Variants in UGT1A8 observed in about 807,000 individuals in gnomAD.
UGT1A8 encodes the protein UDP glucuronosyltransferase family 1 member A8, also known as UDP-glucuronosyltransferase 1A8.
Under a neutral mutation model 45.3 loss-of-function variants are expected in UGT1A8, and 39 were observed. The observed-to-expected ratio is 0.86, with a 90% CI of 0.67 to 1.12. UGT1A8 has a LOEUF of 1.12. Ranked by LOEUF, UGT1A8 falls within the 50% of genes most tolerant of loss-of-function variation. The pLI is 0.00. For missense variants in UGT1A8, 719 were observed against 664.9 expected, an observed-to-expected ratio of 1.08 and a Z score of -0.90; for synonymous variants, 275 against 249.2, an observed-to-expected ratio of 1.10 and a Z score of -0.97.
intron 1 of UGT1A8, chr2:233,671,897 T>G: frequency 6.4e-7 from 1 of 1,571,108 alleles, no homozygotes; most frequent in Non-Finnish European, 8.6e-7. Flanking sequence ...CATAGGAGCT[T>G]AGATTCCCAG....
chr2:233,712,795 G>A (rs551571775), intron 1 of UGT1A8, among the ~76,000 whole-genome samples: 4 of 152,284 alleles, frequency 2.6e-5, no homozygotes, highest in South Asian at 2.1e-4. Context: ...AGGAGTGATC[G>A]GTCTTTCCCA....
chr2:233,747,906 G>C, intron 1 of UGT1A8: 1 of 1,613,472 alleles, frequency 6.2e-7, no homozygotes, highest in Non-Finnish European at 8.5e-7. Context: ...TGCTCCTTAT[G>C]CAAGCCTTGC....
chr2:233,619,284 T>C (rs567076972), intron 1 of UGT1A8, among the ~76,000 whole-genome samples: 2 of 152,310 alleles, frequency 1.3e-5, no homozygotes, highest in South Asian at 4.1e-4. Flanking sequence ...GTTCTTTTCA[T>C]AATTGCATAA....
chr2:233,760,927 C>T (rs1225128510), intron 1 of UGT1A8: 3 of 1,614,216 alleles, frequency 1.9e-6, no homozygotes, highest in Non-Finnish European at 2.5e-6. Flanking sequence ...GAAGAACATG[C>T]TCATTGCCTT....
chr2:233,684,824 A>G (rs898915633), intron 1 of UGT1A8, among the ~76,000 whole-genome samples: 1 of 152,254 alleles, frequency 6.6e-6, no homozygotes, highest in Non-Finnish European at 1.5e-5. Flanking sequence ...GTAAATTGTC[A>G]TAGAAAAATT....
intron 1 of UGT1A8, among the ~76,000 whole-genome samples, chr2:233,620,502 G>A (rs971021222): frequency 2.6e-5 from 4 of 152,076 alleles, no homozygotes; most frequent in Admixed American, 6.6e-5. Flanking sequence ...TATCACCTAC[G>A]ATAGGGAGAT....
At chr2:233,672,521 G>A in intron 1 of UGT1A8, 2 of 1,613,872 alleles carry the variant, frequency 1.2e-6, no homozygotes, top group Non-Finnish European at 1.7e-6. Context: ...ATTCTCTTAG[G>A]GTTCTCAGAT....
intron 1 of UGT1A8, chr2:233,760,107 A>T: frequency 8.4e-7 from 1 of 1,186,456 alleles, no homozygotes; most frequent in South Asian, 1.6e-5. Flanking sequence ...GCCTATTAAG[A>T]AACCTAATAA....
At chr2:233,736,495 T>A (rs1388265552) in intron 1 of UGT1A8, among the ~76,000 whole-genome samples, 4 of 152,228 alleles carry the variant, frequency 2.6e-5, no homozygotes, top group Admixed American at 2.6e-4. Context: ...CTACCAAACT[T>A]CTGAAGCCTA....
At chr2:233,682,687 T>G in intron 1 of UGT1A8, 2 of 1,613,824 alleles carry the variant, frequency 1.2e-6, no homozygotes, top group Non-Finnish European at 1.7e-6. Context: ...ACACATCAAT[T>G]TGGTTGTTGC....
chr2:233,747,003 G>A (rs1452133223), intron 1 of UGT1A8, among the ~76,000 whole-genome samples: 4 of 151,906 alleles, frequency 2.6e-5, no homozygotes, highest in African/African-American at 4.9e-5. Flanking sequence ...AGTTTTTCAA[G>A]TAGGAGTGAT....
chr2:233,623,538 C>T (rs1434600301), intron 1 of UGT1A8, among the ~76,000 whole-genome samples: 2 of 152,062 alleles, frequency 1.3e-5, no homozygotes, highest in African/African-American at 2.4e-5. Context: ...CATGTCATTC[C>T]ATCACCGAAT....
At chr2:233,768,470 G>T (rs371026350) in intron 4 of UGT1A8, 31 bp downstream of exon 4, 1 of 1,602,728 alleles carries the variant, frequency 6.2e-7, no homozygotes, top group Non-Finnish European at 8.5e-7. Context: ...GAATACTTTG[G>T]TCATGGCATT....
intron 1 of UGT1A8, among the ~76,000 whole-genome samples, chr2:233,652,552 T>C (rs1393926780): frequency 6.6e-6 from 1 of 152,184 alleles, no homozygotes; most frequent in African/African-American, 2.4e-5. Flanking sequence ...ACAAAATCAA[T>C]AACTCTTTAA....
intron 1 of UGT1A8, chr2:233,713,141 C>G (rs3755322): frequency 0.098 from 158,591 of 1,614,032 alleles, 8,806 homozygotes; most frequent in South Asian, 0.2. Flanking sequence ...CCTTGCGGGA[C>G]CTCCATGCGA....
chr2:233,762,063 T>A (rs1697956062), intron 1 of UGT1A8, among the ~76,000 whole-genome samples: 1 of 152,180 alleles, frequency 6.6e-6, no homozygotes, highest in Non-Finnish European at 1.5e-5. Flanking sequence ...TCATAGCACA[T>A]CAAATATGGC....
In UGT1A8 at chr2:233,656,911, T is replaced by A. The variant is rs149069874; in HGVS notation, c.855+38349T>A. 1.1e-4 allele frequency among the ~76,000 whole-genome samples: 16 copies of A among 151,928 alleles called. No individual in the cohort carries two copies. The East Asian group carries it at 2.9e-3, about 28-fold the overall frequency. The stretch of plus-strand genomic sequence containing the variant: ...GCACATGCTTCATGTGGCATCTCCC[T>A]TAGTTAAACATCTTTTTTTTTTTTC... On this transcript the variant is annotated intron_variant, in intron 1 of 4. Transcript: ENST00000373450.
At chr2:233,670,095 G>A (rs1299927716) in intron 1 of UGT1A8, among the ~76,000 whole-genome samples, 1 of 152,210 alleles carries the variant, frequency 6.6e-6, no homozygotes, top group Admixed American at 6.5e-5. Flanking sequence ...CATGTTATAT[G>A]TGTTATATAC....
rs749552053 is a variant in UGT1A8 at position 233,760,309 on chromosome 2, G to A, written c.856-6725G>A. 18 of 1,613,646 alleles carry A rather than the reference G, an allele frequency of 1.1e-5. No individual in the cohort carries two copies. The highest frequency in any genetic ancestry group is 2.2e-5 in the East Asian group (1 of 44,886). On this transcript the variant is annotated intron_variant, in intron 1 of 4. Transcript: ENST00000373450. ...CGCCATGGCTGTGGAGTCCCAGGGCGGACGCCCACTTGTCCTGGGCCTGCT... is the reference window on the plus strand; with the variant it reads ...CGCCATGGCTGTGGAGTCCCAGGGCAGACGCCCACTTGTCCTGGGCCTGCT...
Sources: gnomAD v4.1 joint callset for allele counts (sites outside exome capture counted in the v4.1 genomes callset) on GRCh38, gnomAD v4.1.1 for gene constraint, MANE v1.5 for transcripts, NCBI Gene and HGNC (gene_info 2026-07-23, HGNC 2026-07-21) for gene names.